The following BANP variants were observed in gnomAD, a reference collection of about 807,000 sequenced individuals.
BANP encodes the protein BTG3 associated nuclear protein.
A neutral mutation model predicts 68.1 loss-of-function variants in BANP; 11 were observed. The ratio of observed to expected loss-of-function variants is 0.16; its 90% CI spans 0.10 to 0.27. BANP has a LOEUF of 0.27. Ranked by LOEUF, BANP falls within the 10% of genes least tolerant of loss-of-function variation. BANP has a pLI of 1.00. For synonymous variants in BANP, 329 were observed against 303.2 expected (o/e 1.09, Z -0.88); for missense variants, 504 against 722.7 (o/e 0.70, Z 3.47).
intron 11 of BANP, among the ~76,000 whole-genome samples, chr16:88,039,915 C>CT (rs1256924917): frequency 6.6e-6 from 1 of 152,256 alleles, no homozygotes; most frequent in Non-Finnish European, 1.5e-5. Context: ...CCCACTCTCT[C>CT]TAAGTGGCCT....
Position 87,988,786 on chromosome 16 carries a change from C to G in BANP, c.362+4527C>G, listed in dbSNP as rs568396328. 6.6e-5 allele frequency among the ~76,000 whole-genome samples: 10 copies of G among 152,320 alleles called. No homozygotes were observed. The South Asian group carries it at 2.1e-3, about 32-fold the overall frequency. ...CGGAGAGAGTGCGAGAAGCTGCCCC[C>G]TGCGGTATCACATGCCCTTCTGTTT... On this transcript the variant is annotated intron_variant, in intron 4 of 13. Transcript: ENST00000682872.
intron 10 of BANP, among the ~76,000 whole-genome samples, chr16:88,035,725 A>G (rs1002658934): frequency 1.3e-5 from 2 of 152,158 alleles, no homozygotes; most frequent in Admixed American, 6.5e-5. Context: ...GGAGGCCCCC[A>G]GTGTGGCCGA....
chr16:87,978,958 C>T (rs1014187921), intron 2 of BANP, among the ~76,000 whole-genome samples: 8 of 152,176 alleles, frequency 5.3e-5, no homozygotes, highest in African/African-American at 1.9e-4. Flanking sequence ...ACTACAAAAA[C>T]AATGTCAAAG....
rs2090202726 is a variant in BANP, at chr16:88,071,160, G to A, written c.1378-909G>A. ...GCTGCTCCTCTTCCCAGGGCCACCG[G>A]TGAGACTCTCAGTGCACAGAGTGCG... On this transcript the variant is annotated intron_variant, in intron 12 of 13. Coordinates refer to ENST00000682872, the MANE Select transcript of BANP (RefSeq NM_001386991.1). This position sits in a 1 kb window ranked among gnomAD's most constrained non-coding sequence, Gnocchi z 6.5. 1 of 297,092 alleles carries A rather than the reference G, an allele frequency of 3.4e-6. No homozygotes were observed. The highest frequency in any genetic ancestry group is 2.2e-5 in the African/African-American group (1 of 44,894). The allele number at this position is 297,092 out of a possible 1,614,324, so 18.4% of individuals were successfully genotyped here. A position where few individuals can be genotyped will look rare whatever the true frequency, so the allele number is the denominator to read the frequency against.
At chr16:88,066,346 TTGAG>T (rs2088598430) in intron 12 of BANP, among the ~76,000 whole-genome samples, 2 of 152,178 alleles carry the variant, frequency 1.3e-5, no homozygotes, top group African/African-American at 4.8e-5. Context: ...TAATTTTACT[TTGAG>T]TGAAACTCGG....
rs117405623 is a variant in BANP at position 87,961,372 on chromosome 16, C to T, written c.-69+9857C>T. ...AGAGACAGGGTTTTGCTGTGTTGCC[C>T]GGGTTGGTCTCGAACTCCTGGACTC... On this transcript the variant is annotated intron_variant, in intron 1 of 13. Coordinates refer to ENST00000682872, the MANE Select transcript of BANP (RefSeq NM_001386991.1). 4.3e-4 allele frequency among the ~76,000 whole-genome samples: 64 copies of T among 148,310 alleles called. No individual in the cohort carries two copies. The East Asian group carries it at 0.011, about 25-fold the overall frequency.
intron 2 of BANP, among the ~76,000 whole-genome samples, chr16:87,978,122 C>CTATA (rs1252626049): frequency 6.6e-6 from 1 of 152,210 alleles, no homozygotes; most frequent in African/African-American, 2.4e-5. Context: ...AGGCGTGAGC[C>CTATA]ACCGCATCCA....
At chr16:87,965,222 C>T (rs11117315) in intron 1 of BANP, among the ~76,000 whole-genome samples, 95,963 of 151,354 alleles carry the variant, frequency 0.63, 30,771 homozygotes, top group Admixed American at 0.67. Flanking sequence ...CCCATCAGGC[C>T]CTGTGGTGGG....
intron 6 of BANP, among the ~76,000 whole-genome samples, chr16:88,014,365 C>T (rs570206949): frequency 9.9e-5 from 15 of 152,022 alleles, no homozygotes; most frequent in African/African-American, 3.6e-4. Flanking sequence ...GAGGTGGAGC[C>T]TGGGGAGGAC....
intron 13 of BANP, among the ~76,000 whole-genome samples, chr16:88,072,465 A>G (rs1599151256): frequency 6.6e-6 from 1 of 152,218 alleles, no homozygotes; most frequent in East Asian, 1.9e-4. Flanking sequence ...TTGTAAATTC[A>G]GGGGCAGAAG....
chr16:87,997,852 C>T (rs2067712646), intron 4 of BANP, among the ~76,000 whole-genome samples: 1 of 152,236 alleles, frequency 6.6e-6, no homozygotes, highest in South Asian at 2.1e-4. Flanking sequence ...CCCTGAGTGC[C>T]CACTCTTGGC....
chr16:87,979,838 C>T (rs1174705251), intron 2 of BANP, among the ~76,000 whole-genome samples: 4 of 152,104 alleles, frequency 2.6e-5, no homozygotes, highest in Non-Finnish European at 2.9e-5. Context: ...ACCTATTAAC[C>T]TGGATAGTCC....
At chr16:88,046,869 G>A (rs190481499) in intron 11 of BANP, among the ~76,000 whole-genome samples, 32 of 151,978 alleles carry the variant, frequency 2.1e-4, no homozygotes, top group African/African-American at 4.6e-4. Context: ...GATCGAGACC[G>A]TCCTGGCTAA....
chr16:88,043,036 C>T (rs760617385), intron 11 of BANP, among the ~76,000 whole-genome samples: 1 of 152,204 alleles, frequency 6.6e-6, no homozygotes, highest in African/African-American at 2.4e-5. Flanking sequence ...TGAATAACAA[C>T]GAGCATTCAG....
chr16:87,967,854 C>G (rs2060349945), intron 1 of BANP, among the ~76,000 whole-genome samples: 1 of 152,016 alleles, frequency 6.6e-6, no homozygotes, highest in Non-Finnish European at 1.5e-5. Flanking sequence ...AACTCTCGAC[C>G]TCATGATCTG....
intron 2 of BANP, among the ~76,000 whole-genome samples, chr16:87,976,368 CTGTT>C (rs1244612464): frequency 2.0e-5 from 3 of 151,756 alleles, no homozygotes; most frequent in South Asian, 2.1e-4. Flanking sequence ...GAAATCATAA[CTGTT>C]TGTTTGTTTA....
intron 11 of BANP, among the ~76,000 whole-genome samples, chr16:88,061,739 C>T (rs1456363476): frequency 6.6e-6 from 1 of 151,480 alleles, no homozygotes; most frequent in Admixed American, 6.6e-5. Context: ...GATCTCGGCT[C>T]ACCGCAACCT....
At chr16:88,076,549 G>A (rs375135091) in intron 13 of BANP, 41 bp from the exon 14 acceptor site, 39 of 1,581,596 alleles carry the variant, frequency 2.5e-5, no homozygotes, top group Non-Finnish European at 3.1e-5. Flanking sequence ...ATGCAGTGCT[G>A]GGTATTTTTC....
intron 8 of BANP, among the ~76,000 whole-genome samples, chr16:88,030,061 G>C (rs575272331): frequency 1.3e-5 from 2 of 152,354 alleles, no homozygotes; most frequent in South Asian, 4.1e-4. Context: ...CCTACTGGCA[G>C]GCTAAACTAT....
Sources: allele counts gnomAD v4.1 joint callset (sites outside exome capture counted in the v4.1 genomes callset), GRCh38; gene constraint gnomAD v4.1.1; non-coding constraint Gnocchi (gnomAD v3.1); transcripts MANE v1.5; gene names NCBI Gene and HGNC (gene_info 2026-07-23, HGNC 2026-07-21).